Variants in UBR1 observed in about 807,000 individuals in gnomAD.
UBR1 encodes the protein ubiquitin protein ligase E3 component n-recognin 1, also known as E3 ubiquitin-protein ligase UBR1.
UBR1 carries 102 observed loss-of-function variants against 242.1 expected under a neutral mutation model. That is an observed-to-expected ratio of 0.42 (90% CI 0.36 to 0.50). The LOEUF is 0.50. UBR1 is among the 20% of genes least tolerant of loss of function. The pLI is 0.01. For synonymous variants in UBR1, 675 were observed against 684.8 expected, an observed-to-expected ratio of 0.99 and a Z score of 0.22; for missense variants, 1,772 against 2,101.8, an observed-to-expected ratio of 0.84 and a Z score of 3.07.
chr15:43,041,600 A>G (rs2033418808), intron 15 of UBR1, among the ~76,000 whole-genome samples: 1 of 152,126 alleles, frequency 6.6e-6, no homozygotes, highest in African/African-American at 2.4e-5. Context: ...ATTAAAAAAC[A>G]AAAAAACAAA....
intron 1 of UBR1, among the ~76,000 whole-genome samples, chr15:43,093,980 G>GA (rs1259079283): frequency 6.6e-6 from 1 of 151,756 alleles, no homozygotes; most frequent in Non-Finnish European, 1.5e-5. Flanking sequence ...TGGCTAAACT[G>GA]AAAAAAAGAG....
intron 35 of UBR1, among the ~76,000 whole-genome samples, chr15:42,985,905 C>T (rs1055997780): frequency 1.3e-5 from 2 of 150,368 alleles, no homozygotes; most frequent in Non-Finnish European, 3.0e-5. Context: ...GGGAGGATCA[C>T]CTGAGCCTGG....
At chr15:43,056,192 A>G in intron 11 of UBR1, 152 bp downstream of exon 11, 1 of 651,634 alleles carries the variant, frequency 1.5e-6, no homozygotes, top group Admixed American at 2.6e-5. Context: ...GGCAGCGCCT[A>G]GTTAACTAGT....
At chr15:43,022,040 T>G (rs1484262102) in intron 26 of UBR1, among the ~76,000 whole-genome samples, 1 of 152,082 alleles carries the variant, frequency 6.6e-6, no homozygotes, top group Non-Finnish European at 1.5e-5. Flanking sequence ...CAAAAGTGCT[T>G]AATGAGAAAC....
chr15:43,103,956 C>T (rs1184632584), intron 1 of UBR1, among the ~76,000 whole-genome samples: 1 of 152,162 alleles, frequency 6.6e-6, no homozygotes, highest in African/African-American at 2.4e-5. Context: ...GTAGAATGAT[C>T]TGTAGGGTCT....
At chr15:43,086,973 C>A (rs1274896015) in intron 1 of UBR1, among the ~76,000 whole-genome samples, 1 of 152,108 alleles carries the variant, frequency 6.6e-6, no homozygotes, top group Non-Finnish European at 1.5e-5. Flanking sequence ...ATAGGCACCG[C>A]ACTTCAGCCT....
At chr15:43,064,258 G>C (rs912163936) in intron 6 of UBR1, among the ~76,000 whole-genome samples, 116 of 152,298 alleles carry the variant, frequency 7.6e-4, no homozygotes, top group African/African-American at 2.6e-3. Context: ...ATTATCATAG[G>C]ACAGTTGAAG....
chr15:42,956,528 G>A (rs1446505094), intron 44 of UBR1, among the ~76,000 whole-genome samples: 1 of 152,194 alleles, frequency 6.6e-6, no homozygotes, highest in Non-Finnish European at 1.5e-5. Context: ...GTTTCACCAT[G>A]TTGGCCAGGC....
intron 32 of UBR1, among the ~76,000 whole-genome samples, chr15:43,000,076 C>T (rs938360032): frequency 2.0e-5 from 3 of 152,046 alleles, no homozygotes; most frequent in African/African-American, 4.8e-5. Context: ...TTGTATTATA[C>T]ATTTTTAATC....
At chr15:42,947,813 CG>C in intron 46 of UBR1, among the ~76,000 whole-genome samples, 1 of 152,242 alleles carries the variant, frequency 6.6e-6, no homozygotes, top group Non-Finnish European at 1.5e-5. Context: ...GAACATTCCA[CG>C]CTCATGGGTA....
intron 10 of UBR1, 96 bp downstream of exon 10, chr15:43,058,245 A>ATTT: frequency 1.1e-6 from 1 of 936,146 alleles, no homozygotes. Context: ...AAATCATAAC[A>ATTT]TTTAATTTTT....
At chr15:43,015,926 G>T in intron 28 of UBR1, 57 bp from the exon 29 acceptor site, 1 of 1,533,644 alleles carries the variant, frequency 6.5e-7, no homozygotes, top group Non-Finnish European at 9.0e-7. Context: ...ATTTATATAC[G>T]CTGTTTGGAT....
intron 13 of UBR1, among the ~76,000 whole-genome samples, chr15:43,048,130 T>TGAGCCGAGATTGCACC (rs1252072926): frequency 1.3e-5 from 2 of 150,624 alleles, no homozygotes; most frequent in Non-Finnish European, 2.9e-5. Context: ...GAGGTTGCAG[T>TGAGCCGAGATTGCACC]GAGCCGAGAT....
chr15:43,019,651 C>T (rs1172205397), intron 27 of UBR1, among the ~76,000 whole-genome samples: 40 of 142,098 alleles, frequency 2.8e-4, no homozygotes, highest in African/African-American at 9.2e-4. Context: ...GGTGCGATCT[C>T]GGCTCACTGC....
At chr15:42,968,867 A>G (rs1426917899) in intron 40 of UBR1, among the ~76,000 whole-genome samples, 2 of 152,096 alleles carry the variant, frequency 1.3e-5, no homozygotes, top group African/African-American at 4.8e-5. Context: ...TTATGGCTGT[A>G]TGATATTCCA....
At chr15:43,018,808 C>G (rs1213001047) in intron 27 of UBR1, among the ~76,000 whole-genome samples, 1 of 152,146 alleles carries the variant, frequency 6.6e-6, no homozygotes, top group Non-Finnish European at 1.5e-5. Context: ...TTTTTAACAG[C>G]AGATACATGT....
intron 40 of UBR1, among the ~76,000 whole-genome samples, chr15:42,968,200 T>C (rs1217523455): frequency 6.6e-6 from 1 of 152,132 alleles, no homozygotes; most frequent in Non-Finnish European, 1.5e-5. Context: ...TCATCTTTTG[T>C]CTATGCTTCC....
intron 8 of UBR1, 117 bp from the exon 9 acceptor site, chr15:43,059,309 TC>T: frequency 1.2e-6 from 1 of 836,576 alleles, no homozygotes; most frequent in Non-Finnish European, 2.0e-6. Flanking sequence ...AAGCGATCCT[TC>T]CACCTCAGCC....
At chr15:43,078,483 C>T (rs1478479441) in intron 3 of UBR1, among the ~76,000 whole-genome samples, 1 of 152,038 alleles carries the variant, frequency 6.6e-6, no homozygotes, top group East Asian at 1.9e-4. Flanking sequence ...TGAGAAAGAA[C>T]AGAAAAAGCA....
Sources: gnomAD v4.1 joint callset for allele counts (sites outside exome capture counted in the v4.1 genomes callset) on GRCh38, gnomAD v4.1.1 for gene constraint, MANE v1.5 for transcripts, NCBI Gene and HGNC (gene_info 2026-07-23, HGNC 2026-07-21) for gene names.